ZMYM2: variants seen among roughly 807,000 people sequenced by gnomAD.
The protein encoded by ZMYM2 is zinc finger MYM-type containing 2, also known as zinc finger MYM-type protein 2.
A neutral mutation model predicts 162.8 loss-of-function variants in ZMYM2; 56 were observed. The ratio of observed to expected loss-of-function variants is 0.34; its 90% CI spans 0.28 to 0.43. The LOEUF (loss-of-function observed/expected upper bound fraction) is 0.43, where lower values mean the gene tolerates loss of function less well. Among genes scored for constraint, ZMYM2 ranks in the 20% least tolerant of loss-of-function variants. The probability of loss-of-function intolerance (pLI) is 1.00; values close to 1 mark genes in which losing one functional copy is unlikely to be tolerated. For synonymous variants in ZMYM2, 510 were observed against 541.6 expected (o/e 0.94, Z 0.81); for missense variants, 1,275 against 1,621.8 (o/e 0.79, Z 3.67).
chr13:20,027,994 C>T (rs1309827987), intron 9 of ZMYM2: 1 of 178,882 alleles, frequency 5.6e-6, no homozygotes, highest in Non-Finnish European at 1.2e-5. Context: ...GGGTATTACC[C>T]AAAGGTTCAA....
intron 22 of ZMYM2, 145 bp from the exon 23 acceptor site, chr13:20,082,636 G>A (rs1957985219): frequency 1.4e-6 from 1 of 704,860 alleles, no homozygotes; most frequent in Non-Finnish European, 2.2e-6. Flanking sequence ...AGCTGCATAG[G>A]TAATTCTAGA....
At chr13:20,021,811 G>GT (rs953225593) in intron 7 of ZMYM2, among the ~76,000 whole-genome samples, 3 of 152,152 alleles carry the variant, frequency 2.0e-5, no homozygotes, top group African/African-American at 7.2e-5. Context: ...GCCAAAATAT[G>GT]TCTGTAGATG....
At chr13:19,974,182 T>C (rs928786619) in intron 2 of ZMYM2, among the ~76,000 whole-genome samples, 9 of 152,050 alleles carry the variant, frequency 5.9e-5, no homozygotes, top group African/African-American at 1.9e-4. Flanking sequence ...CTTCCTCTGA[T>C]TCATCTACAC....
intron 11 of ZMYM2, among the ~76,000 whole-genome samples, chr13:20,035,188 C>G (rs1953570817): frequency 6.6e-6 from 1 of 152,106 alleles, no homozygotes; most frequent in African/African-American, 2.4e-5. Context: ...GGATTCCTGA[C>G]TGCTAGTTTG....
At chr13:20,059,351 G>A in intron 15 of ZMYM2, 96 bp from the exon 16 acceptor site, 5 of 1,341,868 alleles carry the variant, frequency 3.7e-6, no homozygotes, top group Non-Finnish European at 5.0e-6. Context: ...AGGTACTGAG[G>A]TAGTTAAATT....
At chr13:20,058,552 T>G (rs779467340) in intron 14 of ZMYM2, 23 bp from the exon 15 acceptor site, 44 of 1,598,502 alleles carry the variant, frequency 2.8e-5, no homozygotes, top group Non-Finnish European at 3.6e-5. Flanking sequence ...AAAATAAAAA[T>G]GTTTCTCTTT....
At chr13:19,896,483 G>C in the ZMYM2 span, among the ~76,000 whole-genome samples, 2 of 150,928 alleles carry the variant, frequency 1.3e-5, no homozygotes, top group African/African-American at 2.5e-5. Context: ...TTGGCTGAGC[G>C]TGGTGGCTCA....
chr13:19,945,951 GAAAAAAAAA>G, the ZMYM2 span, among the ~76,000 whole-genome samples: 12 of 89,570 alleles, frequency 1.3e-4, no homozygotes, highest in African/African-American at 5.5e-4. Flanking sequence ...CTCCGTCTCA[GAAAAAAAAA>G]AAAAAAAAAA....
At chr13:20,064,814 A>G (rs1283925767) in intron 19 of ZMYM2, among the ~76,000 whole-genome samples, 2 of 147,150 alleles carry the variant, frequency 1.4e-5, no homozygotes, top group African/African-American at 4.9e-5. Flanking sequence ...ATAATTTATT[A>G]CTGTTTCTAA....
chr13:20,004,102 G>A (rs1340280093), intron 4 of ZMYM2, among the ~76,000 whole-genome samples: 2 of 152,196 alleles, frequency 1.3e-5, no homozygotes, highest in African/African-American at 4.8e-5. Flanking sequence ...TTTACAAAGA[G>A]CTTAGTGTTC....
At chr13:20,019,659 T>C (rs775362838) in intron 7 of ZMYM2, 41 bp downstream of exon 7, 1 of 1,517,706 alleles carries the variant, frequency 6.6e-7, no homozygotes, top group Admixed American at 1.9e-5. Flanking sequence ...CTTAACATTT[T>C]TGAGCACTGC....
chr13:19,939,962 T>C, the ZMYM2 span, among the ~76,000 whole-genome samples: 10 of 152,208 alleles, frequency 6.6e-5, no homozygotes, highest in African/African-American at 2.4e-4. Context: ...GCGGTTCTAG[T>C]TGTACCGATC....
chr13:20,022,115 AC>A (rs1328356118), intron 7 of ZMYM2, among the ~76,000 whole-genome samples: 1 of 152,026 alleles, frequency 6.6e-6, no homozygotes, highest in African/African-American at 2.4e-5. Context: ...GAGTTTGAAA[AC>A]CATTGTTTTT....
chr13:20,045,260 C>T (rs1479216125), intron 12 of ZMYM2, among the ~76,000 whole-genome samples: 1 of 151,972 alleles, frequency 6.6e-6, no homozygotes, highest in East Asian at 1.9e-4. Context: ...ACCATGTTAA[C>T]TAGCATATTG....
the ZMYM2 span, among the ~76,000 whole-genome samples, chr13:19,939,135 T>G: frequency 6.6e-6 from 1 of 151,376 alleles, no homozygotes; most frequent in Admixed American, 6.6e-5. Context: ...GTGATTCTCG[T>G]GCCTCAGGCT....
chr13:19,877,880 C>T, the ZMYM2 span, among the ~76,000 whole-genome samples: 56 of 152,178 alleles, frequency 3.7e-4, no homozygotes, highest in African/African-American at 1.3e-3. Context: ...CTTGAAGACC[C>T]TGTTTTCATT....
In ZMYM2 at chr13:20,087,755, T is replaced by TA; in HGVS notation, c.*1742dup. 1 of 186,460 alleles carries TA rather than the reference T, an allele frequency of 5.4e-6. No individual in the cohort carries two copies. The allele number at this position is 186,460 out of a possible 1,614,324, so 11.6% of individuals were successfully genotyped here. On this transcript the variant is annotated 3_prime_UTR_variant, in exon 25 of 25. Transcript: ENST00000610343. ...TATTGTTGAGTGATAATCAGACTGA[T>TA]AGTAGCAAATCTGATCATACATTAC...
chr13:20,010,754 C>T (rs999520803), intron 6 of ZMYM2, among the ~76,000 whole-genome samples: 2 of 152,130 alleles, frequency 1.3e-5, no homozygotes, highest in Admixed American at 6.5e-5. Context: ...GATTCTCCTG[C>T]CTCAGCCTCC....
chr13:19,883,368 T>G, the ZMYM2 span, among the ~76,000 whole-genome samples: 1 of 152,246 alleles, frequency 6.6e-6, no homozygotes, highest in African/African-American at 2.4e-5. Context: ...GTCACTGAAT[T>G]GTACAACTTA....
Sources: gnomAD v4.1 joint callset for allele counts (sites outside exome capture counted in the v4.1 genomes callset) on GRCh38, gnomAD v4.1.1 for gene constraint, MANE v1.5 for transcripts, NCBI Gene and HGNC (gene_info 2026-07-23, HGNC 2026-07-21) for gene names.